The following SYDE2 variants were observed in gnomAD, a reference collection of about 807,000 sequenced individuals.
SYDE2 encodes the protein rho GTPase-activating protein SYDE2.
A neutral mutation model predicts 91.5 loss-of-function variants in SYDE2; 76 were observed. The ratio of observed to expected loss-of-function variants is 0.83; its 90% CI spans 0.69 to 1.01. The LOEUF (loss-of-function observed/expected upper bound fraction) is 1.01. Ranked by LOEUF, SYDE2 falls within the 50% of genes least tolerant of loss-of-function variation. The probability of loss-of-function intolerance (pLI) is 0.00; values close to 1 mark genes in which losing one functional copy is unlikely to be tolerated. For synonymous variants in SYDE2, 513 were observed against 506.4 expected (o/e 1.01, Z -0.18); for missense variants, 1,364 against 1,367.7 (o/e 1.00, Z 0.04).
At position 85,182,644 on chromosome 1, in the gene SYDE2, A is replaced by C; in HGVS notation, c.1998T>G (p.Tyr666Ter). ...AACACTTAGGTTGATCAGAAAAGCT[A>C]TAATGCCTAAAAGCATCAATGTCTA... ...NEIDIDAFRH[Y>*]SFSDQPKCSQ... The change falls in exon 3 of 7, where the codon TAT becomes TAG. Residue 666 changes from tyrosine (Y) to a stop codon, truncating the protein, a stop_gained. Transcript: ENST00000341460. LOFTEE classifies it high-confidence loss of function. 1 of 1,613,890 alleles carries C rather than the reference A, an allele frequency of 6.2e-7. No homozygotes were observed. The highest frequency in any genetic ancestry group is 8.5e-7 in the Non-Finnish European group (1 of 1,179,824).
intron 2 of SYDE2, among the ~76,000 whole-genome samples, chr1:85,187,119 G>A (rs1416309610): frequency 1.3e-5 from 2 of 152,088 alleles, no homozygotes; most frequent in East Asian, 3.9e-4. Context: ...CTACTCATCT[G>A]ACAAAGGGCT....
intron 4 of SYDE2, among the ~76,000 whole-genome samples, chr1:85,177,553 T>C (rs1410201349): frequency 6.6e-6 from 1 of 152,114 alleles, no homozygotes; most frequent in South Asian, 2.1e-4. Context: ...GCTCCTTCTT[T>C]CTCCACCTCC....
chr1:85,178,477 T>C (rs1461901573), intron 3 of SYDE2, among the ~76,000 whole-genome samples: 1 of 152,192 alleles, frequency 6.6e-6, no homozygotes, highest in Non-Finnish European at 1.5e-5. Flanking sequence ...ATTCAAACAA[T>C]ACACTATCAG....
rs140672513 is a variant in SYDE2, at chr1:85,182,547, A to G, written c.2095T>C (p.Ser699Pro). The change falls in exon 3 of 7, where the codon TCA (serine) becomes CCA (proline). Residue 699 changes from serine to proline, a missense_variant. Coordinates refer to ENST00000341460, the MANE Select transcript of SYDE2 (RefSeq NM_032184.2). Reference protein sequence around the residue: ...AEDLKPPRIDSKDVFCAIQVD... With the variant: ...AEDLKPPRIDPKDVFCAIQVD... Reference sequence around the variant, plus strand: ...TGAATTGCACAAAAGACGTCTTTTGAATCTATCCGAGGTGGTTTTAAATCC... The same window carrying G: ...TGAATTGCACAAAAGACGTCTTTTGGATCTATCCGAGGTGGTTTTAAATCC... 217 of 1,613,904 alleles carry G rather than the reference A, an allele frequency of 1.3e-4. No homozygotes were observed. The highest frequency in any genetic ancestry group is 1.8e-4 in the Non-Finnish European group (210 of 1,179,850).
chr1:85,167,589 C>T (rs375222498), intron 5 of SYDE2, among the ~76,000 whole-genome samples: 2 of 152,068 alleles, frequency 1.3e-5, no homozygotes, highest in South Asian at 2.1e-4. Context: ...TAGCTGGGAC[C>T]CTAGGCACGT....
At chr1:85,195,427 G>C (rs1025007162) in intron 1 of SYDE2, among the ~76,000 whole-genome samples, 64 of 152,170 alleles carry the variant, frequency 4.2e-4, no homozygotes, top group African/African-American at 1.5e-3. Flanking sequence ...ATAAACTTAA[G>C]TCTTAAGTTT....
chr1:85,185,617 A>G (rs2100678236), intron 2 of SYDE2, among the ~76,000 whole-genome samples: 1 of 152,344 alleles, frequency 6.6e-6, no homozygotes, highest in African/African-American at 2.4e-5. Flanking sequence ...TTATTGGTGT[A>G]TAAGAATGCT....
intron 2 of SYDE2, 36 bp from the exon 3 acceptor site, chr1:85,183,236 A>G (rs757398549): frequency 1.4e-5 from 21 of 1,485,110 alleles, no homozygotes; most frequent in Admixed American, 2.5e-5. Flanking sequence ...TTATAAAGCA[A>G]TATGTTTTGA....
intron 2 of SYDE2, among the ~76,000 whole-genome samples, chr1:85,185,089 C>A (rs1483349354): frequency 6.6e-6 from 1 of 150,904 alleles, no homozygotes; most frequent in Non-Finnish European, 1.5e-5. Flanking sequence ...CAAAATAAAA[C>A]AACAAAAAAA....
At position 85,190,645 on chromosome 1, in the gene SYDE2, A is replaced by G. The variant is rs1658329983; in HGVS notation, c.853T>C (p.Ser285Pro). The G allele has an allele frequency of 1.2e-6, 2 of 1,613,784 alleles. No individual in the cohort carries two copies. Among genetic ancestry groups the G allele is most frequent in the African/African-American group, 2.7e-5 (2 of 74,916 alleles). The change falls in exon 2 of 7, where the codon TCA becomes CCA. Residue 285 changes from serine (S) to proline (P), a missense_variant. Coordinates refer to ENST00000341460, the MANE Select transcript of SYDE2 (RefSeq NM_032184.2). The part of the protein sequence containing the change: ...GHKPLNSITV[S>P]KKRNWLYQST... ...TGATATAGCCAATTGCGTTTCTTTG[A>G]AACAGTGATGCTGTTAAGTGGCTTA...
intron 5 of SYDE2, among the ~76,000 whole-genome samples, chr1:85,165,865 ATTTTT>A (rs529987571): frequency 5.3e-5 from 5 of 94,122 alleles, no homozygotes; most frequent in African/African-American, 1.4e-4. Flanking sequence ...AAAAACTTTA[ATTTTT>A]TTTTTTTTTT....
chr1:85,160,903 T>C (rs1339205824), intron 6 of SYDE2: 45 of 984,364 alleles, frequency 4.6e-5, no homozygotes, highest in East Asian at 1.1e-4. Flanking sequence ...TACTGAAACA[T>C]TGTTTCTGTG....
intron 2 of SYDE2, among the ~76,000 whole-genome samples, chr1:85,188,178 A>G (rs1557755345): frequency 6.6e-6 from 1 of 152,084 alleles, no homozygotes; most frequent in East Asian, 1.9e-4. Flanking sequence ...AGCCTTCCCT[A>G]TCACTCCACC....
At chr1:85,163,445 C>CCATATATA (rs1553170238) in intron 6 of SYDE2, among the ~76,000 whole-genome samples, 2 of 87,630 alleles carry the variant, frequency 2.3e-5, no homozygotes, top group South Asian at 1.1e-3. Context: ...GTACTTTAAT[C>CCATATATA]TATATATATA....
Position 85,158,630 on chromosome 1 carries a change from T to C in SYDE2, c.*120A>G. On this transcript the variant is annotated 3_prime_UTR_variant, in exon 7 of 7. Transcript: ENST00000341460. ...TTTTTAATTGAATCAGATAAACTTA[T>C]TAAAAATTAATTAAAGATTTCAAGA... 1.8e-6 allele frequency: 1 copy of C among 560,374 alleles called. No individual in the cohort carries two copies. Among genetic ancestry groups the C allele is most frequent in the Non-Finnish European group, 3.2e-6 (1 of 317,178 alleles). 34.7% of individuals were successfully genotyped at this position (560,374 alleles called of 1,614,324 possible). A position where few individuals can be genotyped will look rare whatever the true frequency, so the allele number is the denominator to read the frequency against.
intron 6 of SYDE2, chr1:85,161,168 A>C: frequency 1.1e-6 from 1 of 934,914 alleles, no homozygotes. Flanking sequence ...AAAGAATTCA[A>C]AATGTAATAA....
Position 85,200,435 on chromosome 1 carries a change from CTG to C in SYDE2, c.560_561del (p.Thr187SerfsTer46). 6.2e-7 allele frequency: 1 copy of C among 1,614,040 alleles called. No individual in the cohort carries two copies. Among genetic ancestry groups the C allele is most frequent in the Non-Finnish European group, 8.5e-7 (1 of 1,179,906 alleles). On this transcript the variant is annotated frameshift_variant, in exon 1 of 7. Transcript: ENST00000341460. LOFTEE classifies it high-confidence loss of function. ...TACATCCACTTCTGCAGCTTCTTGA[CTG>C]TCACTGCCGGCGGCCTGAGGAAGGA... ...GPSFLRPPAV[T>X]VKKLQKWMYK...
intron 6 of SYDE2, 126 bp from the exon 7 acceptor site, chr1:85,159,375 T>C (rs1471146565): frequency 3.1e-6 from 2 of 648,810 alleles, no homozygotes; most frequent in African/African-American, 3.7e-5. Context: ...ACATGCACTC[T>C]GTCAAAAGAA....
chr1:85,179,842 G>A lies in SYDE2; in HGVS notation c.2545-1570C>T, dbSNP rs547372882. Among the ~76,000 whole-genome samples, 16 of 151,636 alleles carry A rather than the reference G, an allele frequency of 1.1e-4. No individual in the cohort carries two copies. The East Asian group carries it at 3.1e-3, about 29-fold the overall frequency. ...ATCCCCTTAAACTTGAGAAGAAGAT[G>A]AGCCTAGAACAACTTAAAGGAAGTA... On this transcript the variant is annotated intron_variant, in intron 3 of 6. Coordinates refer to ENST00000341460, the MANE Select transcript of SYDE2 (RefSeq NM_032184.2).
Sources: allele counts gnomAD v4.1 joint callset (sites outside exome capture counted in the v4.1 genomes callset), GRCh38; gene constraint gnomAD v4.1.1; transcripts MANE v1.5; gene names NCBI Gene and HGNC (gene_info 2026-07-23, HGNC 2026-07-21).